The following DDX41 variants were observed in gnomAD, a reference collection of about 807,000 sequenced individuals.
DDX41 encodes the protein probable ATP-dependent RNA helicase DDX41.
In DDX41, 50 loss-of-function variants were observed where a neutral mutation model predicts 78.8. The ratio of observed to expected loss-of-function variants is 0.63; its 90% CI spans 0.51 to 0.80. DDX41 has a LOEUF of 0.80. DDX41 is among the 30% of genes least tolerant of loss of function. The pLI, the probability that DDX41 is intolerant of heterozygous loss-of-function variation, is 0.00. For missense variants in DDX41, 633 were observed against 849.2 expected (o/e 0.75, Z 3.16); for synonymous variants, 381 against 321.5 (o/e 1.19, Z -1.98).
chr5:177,512,025 C>G lies in DDX41; in HGVS notation c.1732+71G>C, dbSNP rs1215882425. On this transcript the variant is annotated intron_variant, in intron 16 of 16. Coordinates refer to ENST00000330503, the MANE Select transcript of DDX41 (RefSeq NM_016222.4). ...AGGCACCCTCGGTCCACCGGTTTCA[C>G]GTTTCTGACTTCCAGCACCCCTCCT... is the stretch of plus-strand genomic sequence containing the variant. The G allele has an allele frequency of 1.9e-6, 3 of 1,606,678 alleles. No individual in the cohort carries two copies. In the African/African-American group the frequency reaches 4.0e-5, roughly 21 times the overall value.
rs750400155 is a variant in DDX41 at position 177,513,099 on chromosome 5, C to A, written c.1231-17G>T. 1.9e-6 allele frequency: 3 copies of A among 1,610,474 alleles called. No individual in the cohort carries two copies. Among genetic ancestry groups the A allele is most frequent in the Non-Finnish European group, 2.5e-6 (3 of 1,177,818 alleles). ...TTCTACCTCCTGCCACCACAAAGAT[C>A]AGGTCAGGTGATCTTGAGATTAGGC... On this transcript the variant is annotated splice_polypyrimidine_tract_variant and intron_variant, in intron 11 of 16. Transcript: ENST00000330503. The surrounding 1 kb of genome is among the most constrained non-coding windows in gnomAD (Gnocchi z 4.6).
In DDX41 at chr5:177,514,781, C is replaced by T; in HGVS notation, c.855G>A (p.Gln285=). 1 of 1,612,950 alleles carries T rather than the reference C, an allele frequency of 6.2e-7. No individual in the cohort carries two copies. Among genetic ancestry groups the T allele is most frequent in the Non-Finnish European group, 8.5e-7 (1 of 1,179,948 alleles). Residue 285 remains glutamine (Q), a synonymous_variant, in exon 9 of 17, where the codon CAG becomes CAA. Coordinates refer to ENST00000330503, the MANE Select transcript of DDX41 (RefSeq NM_016222.4). The surrounding 1 kb of genome is among the most constrained non-coding windows in gnomAD (Gnocchi z 4.2). ...AGCGCAGGAGTGGTGAGCTGTCCTC[C>T]TGCAGCAGGCGGCAGTAGTACTCCA... is the stretch of plus-strand genomic sequence containing the variant. ...GILEYYCRLL[Q]EDSSPLLRCA...
At chr5:177,515,389 T>C (rs752797481) in intron 6 of DDX41, 131 bp from the exon 7 acceptor site, 2 of 933,072 alleles carry the variant, frequency 2.1e-6, no homozygotes, top group Admixed American at 4.5e-5. Flanking sequence ...AGAGAGAGAG[T>C]GGAAAAAAAA....
rs1761227937 is a variant in DDX41, at chr5:177,516,273, T to C, written c.298+15A>G. The C allele has an allele frequency of 6.2e-7, 1 of 1,614,184 alleles. No individual in the cohort carries two copies. Among genetic ancestry groups the C allele is most frequent in the Non-Finnish European group, 8.5e-7 (1 of 1,180,030 alleles). Reference sequence around the variant, plus strand: ...AGCTTCTTCTTTCTCGCCCAGGCAGTGCTGCCCAGCCCACCTTCAGCCTTC... The same window carrying C: ...AGCTTCTTCTTTCTCGCCCAGGCAGCGCTGCCCAGCCCACCTTCAGCCTTC... On this transcript the variant is annotated intron_variant, in intron 3 of 16. Coordinates refer to ENST00000330503, the MANE Select transcript of DDX41 (RefSeq NM_016222.4).
chr5:177,515,391 GAA>G (rs745631263), intron 6 of DDX41, 133 bp from the exon 7 acceptor site: 72 of 743,578 alleles, frequency 9.7e-5, no homozygotes, highest in Admixed American at 1.4e-4. Flanking sequence ...AGAGAGAGTG[GAA>G]AAAAAAAAAG....
In DDX41 at chr5:177,514,787, C is replaced by A; in HGVS notation, c.849G>T (p.Leu283=). 1 of 1,612,944 alleles carries A rather than the reference C, an allele frequency of 6.2e-7. No homozygotes were observed. The highest frequency in any genetic ancestry group is 8.5e-7 in the Non-Finnish European group (1 of 1,179,946). The change falls in exon 9 of 17, where the codon CTG becomes CTT. Residue 283 remains leucine (L), a synonymous_variant. Transcript: ENST00000330503. The surrounding 1 kb of genome is among the most constrained non-coding windows in gnomAD (Gnocchi z 4.2). ...THGILEYYCR[L]LQEDSSPLLR... is the part of the protein sequence containing the mutation. Reference sequence around the variant, plus strand: ...GGAGTGGTGAGCTGTCCTCCTGCAGCAGGCGGCAGTAGTACTCCAGGATGC... The same window carrying A: ...GGAGTGGTGAGCTGTCCTCCTGCAGAAGGCGGCAGTAGTACTCCAGGATGC...
rs1321675449 is a variant in DDX41 at position 177,513,391 on chromosome 5, C to T, written c.1192G>A (p.Val398Met). The T allele has an allele frequency of 6.2e-7, 1 of 1,614,038 alleles. No individual in the cohort carries two copies. Among genetic ancestry groups the T allele is most frequent in the African/African-American group, 1.3e-5 (1 of 74,926 alleles). Reference sequence around the variant, plus strand: ...AGGCTGGCAGCCCCAGCGCGCCCCACATTGATGGTCACAGGCTTTACAAGG... The same window carrying T: ...AGGCTGGCAGCCCCAGCGCGCCCCATATTGATGGTCACAGGCTTTACAAGG... ...SALVKPVTINVGRAGAASLDV... is the reference protein window; with the variant it reads ...SALVKPVTINMGRAGAASLDV... Residue 398 changes from valine (V) to methionine (M), a missense_variant, in exon 11 of 17, where the codon GTG (valine) becomes ATG (methionine). Physicochemically the swap from Val to Met is conservative, Grantham distance 21. This residue lies in a region of DDX41 where 185 missense variants were observed against 367.4 expected (regional missense o/e 0.50). Coordinates refer to ENST00000330503, the MANE Select transcript of DDX41 (RefSeq NM_016222.4). This position sits in a 1 kb window ranked among gnomAD's most constrained non-coding sequence, Gnocchi z 4.6.
Position 177,515,711 on chromosome 5 carries a change from C to A in DDX41, c.545G>T (p.Ser182Ile). The stretch of plus-strand genomic sequence containing the variant: ...TGCAGGAAACTTCATTTCCTTGAAG[C>A]TCTTGATGGGTGGTGGGATACCGTC... Reference protein sequence around the residue: ...EGDGIPPPIKSFKEMKFPAAI... With the variant: ...EGDGIPPPIKIFKEMKFPAAI... Residue 182 changes from serine to isoleucine, a missense_variant, in exon 6 of 17, where the codon AGC becomes ATC. Ser to Ile is a moderately radical substitution (Grantham distance 142). Coordinates refer to ENST00000330503, the MANE Select transcript of DDX41 (RefSeq NM_016222.4). The A allele has an allele frequency of 6.2e-7, 1 of 1,614,118 alleles. No individual in the cohort carries two copies. The highest frequency in any genetic ancestry group is 8.5e-7 in the Non-Finnish European group (1 of 1,180,020).
In DDX41 at chr5:177,516,802, T is replaced by C. The variant is rs1689892904; in HGVS notation, c.61A>G (p.Ser21Gly). ...TCCTCATCTTCCGCCTCGGAGCGGCTTCCTCCGGCAGGCACCTCGTCGGTG... is the reference window on the plus strand; with the variant it reads ...TCCTCATCTTCCGCCTCGGAGCGGCCTCCTCCGGCAGGCACCTCGTCGGTG... ...ARTDEVPAGG[S>G]RSEAEDEDDE... Residue 21 changes from serine to glycine, a missense_variant, in exon 2 of 17, where the codon AGC becomes GGC. This residue lies in a region of DDX41 where 140 missense variants were observed against 115.2 expected (regional missense o/e 1.22). Transcript: ENST00000330503. 14 of 1,612,652 alleles carry C rather than the reference T, an allele frequency of 8.7e-6. No individual in the cohort carries two copies. Among genetic ancestry groups the C allele is most frequent in the Non-Finnish European group, 1.2e-5 (14 of 1,179,850 alleles).
rs1430215530 is a variant in DDX41 at position 177,512,887 on chromosome 5, A to T, written c.1303-11T>A. On this transcript the variant is annotated splice_polypyrimidine_tract_variant and intron_variant, in intron 12 of 16. Coordinates refer to ENST00000330503, the MANE Select transcript of DDX41 (RefSeq NM_016222.4). ...TGCAAAGATGAGTACCTGTCCGGAA[A>T]GACCAACTCCAGTCAGGGGCTAACT... 1 of 1,613,438 alleles carries T rather than the reference A, an allele frequency of 6.2e-7. No homozygotes were observed. The highest frequency in any genetic ancestry group is 8.5e-7 in the Non-Finnish European group (1 of 1,179,824).
At chr5:177,515,613 G>T in intron 6 of DDX41, 72 bp downstream of exon 6, 1 of 1,574,002 alleles carries the variant, frequency 6.4e-7, no homozygotes. Flanking sequence ...GCTGAGCTCA[G>T]TGGGAGCCAG....
rs979265000 is a variant in DDX41 at position 177,513,226 on chromosome 5, C to T, written c.1230+127G>A. ...TGCCCTAAAAATGGCCCTGGTTAAG[C>T]GTCAGGGGCTTTGAATGAAACCCCC... On this transcript the variant is annotated intron_variant, in intron 11 of 16. Coordinates refer to ENST00000330503, the MANE Select transcript of DDX41 (RefSeq NM_016222.4). The surrounding 1 kb of genome is among the most constrained non-coding windows in gnomAD (Gnocchi z 4.6). 1.6e-5 allele frequency: 24 copies of T among 1,536,032 alleles called. No homozygotes were observed. Among genetic ancestry groups the T allele is most frequent in the Non-Finnish European group, 1.9e-5 (21 of 1,129,930 alleles).
rs1761138425 is a variant in DDX41 at position 177,514,687 on chromosome 5, G to A, written c.935+14C>T. 3 of 1,603,782 alleles carry A rather than the reference G, an allele frequency of 1.9e-6. No homozygotes were observed. The highest frequency in any genetic ancestry group is 2.2e-5 in the East Asian group (1 of 44,700). ...AGGTGGCAGAGGTGGGGGGCAGGGA[G>A]CGCCAGCACTCACTGTCGGATGGTC... On this transcript the variant is annotated intron_variant, in intron 9 of 16. Coordinates refer to ENST00000330503, the MANE Select transcript of DDX41 (RefSeq NM_016222.4). The surrounding 1 kb of genome is among the most constrained non-coding windows in gnomAD (Gnocchi z 4.2).
At chr5:177,512,040 G>A in intron 16 of DDX41, 56 bp downstream of exon 16, 1 of 1,607,552 alleles carries the variant, frequency 6.2e-7, no homozygotes, top group East Asian at 2.2e-5. Flanking sequence ...CTGACTTCCA[G>A]CACCCCTCCT....
chr5:177,514,619 A>G lies in DDX41; in HGVS notation c.935+82T>C, dbSNP rs1426300052. 1 of 1,517,166 alleles carries G rather than the reference A, an allele frequency of 6.6e-7. No homozygotes were observed. Among genetic ancestry groups the G allele is most frequent in the African/African-American group, 1.4e-5 (1 of 72,732 alleles). 94.0% of individuals were successfully genotyped at this position (1,517,166 alleles called of 1,614,324 possible). ...AGCAGCCCTCTGTGAAGATCTGTGG[A>G]GTGGCTAAGGTAAAGGGTCCTTTAG... On this transcript the variant is annotated intron_variant, in intron 9 of 16. Coordinates refer to ENST00000330503, the MANE Select transcript of DDX41 (RefSeq NM_016222.4). This position sits in a 1 kb window ranked among gnomAD's most constrained non-coding sequence, Gnocchi z 4.2.
Position 177,515,222 on chromosome 5 carries a change from T to C in DDX41, c.608A>G (p.His203Arg), listed in dbSNP as rs905341773. 2.5e-6 allele frequency: 4 copies of C among 1,613,768 alleles called. No individual in the cohort carries two copies. The Admixed American group carries it at 6.7e-5, about 27-fold the overall frequency. ...LRGLKKKGIH[H>R]PTPIQIQGIP... ...GCCCTGGATCTGAATGGGTGTTGGG[T>C]GGTGAATGCCTTTCTTCTTCAGGCC... Residue 203 changes from histidine (H) to arginine (R), a missense_variant, in exon 7 of 17, where the codon CAC becomes CGC. By Grantham distance (29) the His-to-Arg change is conservative (BLOSUM62 0). Around this residue, in one of 6 missense-constraint regions of DDX41, gnomAD observed 126 missense variants for 115.5 expected, o/e 1.09. Coordinates refer to ENST00000330503, the MANE Select transcript of DDX41 (RefSeq NM_016222.4).
chr5:177,512,650 G>A lies in DDX41; in HGVS notation c.1400-5C>T. ...CCTTAGTCCGTTCCTCCTGGTCTGG[G>A]GAGGGTCAGGCAGACACTGTCAGAG... is the stretch of plus-strand genomic sequence containing the variant. On this transcript the variant is annotated splice_region_variant and splice_polypyrimidine_tract_variant and intron_variant, in intron 13 of 16. Transcript: ENST00000330503. The A allele has an allele frequency of 2.5e-6, 4 of 1,614,000 alleles. No homozygotes were observed. The highest frequency in any genetic ancestry group is 3.4e-6 in the Non-Finnish European group (4 of 1,179,996).
At chr5:177,515,480 T>C (rs1761183700) in intron 6 of DDX41, 2 of 880,234 alleles carry the variant, frequency 2.3e-6, no homozygotes, top group Admixed American at 4.4e-5. Context: ...CCAATGGCAC[T>C]TTCCTCCTGA....
rs2127437132 is a variant in DDX41 at position 177,514,955 on chromosome 5, T to C, written c.759A>G (p.Ser253=). 2 of 1,612,630 alleles carry C rather than the reference T, an allele frequency of 1.2e-6. No homozygotes were observed. The highest frequency in any genetic ancestry group is 1.7e-6 in the Non-Finnish European group (2 of 1,178,964). ...CLEQEKRLPF[S]KREGPYGLII... is the part of the protein sequence containing the mutation. ...TGAGTCCATAGGGCCCCTCGCGCTT[T>C]GAGAAGGGTAACCTCTTCTCTTGTT... Residue 253 remains serine, a synonymous_variant, in exon 8 of 17, where the codon TCA becomes TCG. Transcript: ENST00000330503. This position sits in a 1 kb window ranked among gnomAD's most constrained non-coding sequence, Gnocchi z 4.2.
Sources: gnomAD v4.1 joint callset for allele counts on GRCh38, gnomAD v4.1.1 for gene constraint, gnomAD v4.1.1 regional missense constraint, Gnocchi (gnomAD v3.1) non-coding constraint, MANE v1.5 for transcripts, NCBI Gene and HGNC (gene_info 2026-07-23, HGNC 2026-07-21) for gene names.